The following SDHA variants were observed in gnomAD, a reference collection of about 807,000 sequenced individuals.
SDHA encodes succinate dehydrogenase [ubiquinone] flavoprotein subunit, mitochondrial.
SDHA carries 48 observed loss-of-function variants against 78.4 expected under a neutral mutation model. The observed-to-expected ratio is 0.61, with a 90% CI of 0.49 to 0.78. SDHA has a LOEUF of 0.78. Ranked by LOEUF, SDHA falls within the 30% of genes least tolerant of loss-of-function variation. The pLI is 0.00. For missense variants in SDHA, 680 were observed against 892.7 expected (o/e 0.76, Z 3.04); for synonymous variants, 326 against 353.9 (o/e 0.92, Z 0.88).
the SDHA span, among the ~76,000 whole-genome samples, chr5:268,413 G>A: frequency 5.3e-5 from 8 of 151,934 alleles, no homozygotes; most frequent in Non-Finnish European, 5.9e-5. Context: ...TGATCCACCC[G>A]CCTCAGCCTC....
intron 14 of SDHA, among the ~76,000 whole-genome samples, chr5:254,939 C>T (rs1478895904): frequency 2.0e-5 from 3 of 151,988 alleles, no homozygotes; most frequent in South Asian, 4.1e-4. Flanking sequence ...CAACTGGAAG[C>T]GTCTGCAGGG....
chr5:233,056 C>T (rs1355139788), intron 7 of SDHA, among the ~76,000 whole-genome samples: 1 of 152,216 alleles, frequency 6.6e-6, no homozygotes, highest in Non-Finnish European at 1.5e-5. Flanking sequence ...CTAAAATAAT[C>T]ATTATTACTG....
intron 5 of SDHA, among the ~76,000 whole-genome samples, chr5:227,200 A>G (rs867425599): frequency 6.6e-6 from 1 of 152,084 alleles, no homozygotes; most frequent in Non-Finnish European, 1.5e-5. Context: ...TAGTAGAGAC[A>G]GGGTTTCCCA....
chr5:247,934 G>C lies in SDHA; in HGVS notation c.1552-3058G>C, dbSNP rs1736564989. 1.3e-5 allele frequency among the ~76,000 whole-genome samples: 2 copies of C among 152,340 alleles called. 1 individual carries two copies. The highest frequency in any genetic ancestry group is 3.9e-4 in the East Asian group (2 of 5,180). Reference sequence around the variant, plus strand: ...TGAATCTTTCCCTGAAACAGCAGCTGCAAAAGTAAAAGGGGGAAAACAGGG... The same window carrying C: ...TGAATCTTTCCCTGAAACAGCAGCTCCAAAAGTAAAAGGGGGAAAACAGGG... On this transcript the variant is annotated intron_variant, in intron 11 of 14. Coordinates refer to ENST00000264932, the MANE Select transcript of SDHA (RefSeq NM_004168.4).
At chr5:262,354 G>C in the SDHA span, among the ~76,000 whole-genome samples, 152 of 81,522 alleles carry the variant, frequency 1.9e-3, 18 homozygotes, top group African/African-American at 0.013. Context: ...CCTCCCGGCA[G>C]AGCATTACCG....
At chr5:265,213 TAAAA>T in the SDHA span, among the ~76,000 whole-genome samples, 1 of 151,918 alleles carries the variant, frequency 6.6e-6, no homozygotes, top group Non-Finnish European at 1.5e-5. Context: ...TCTCAAAAAA[TAAAA>T]AAAGATTTTT....
chr5:262,469 T>G, the SDHA span, among the ~76,000 whole-genome samples: 1 of 152,234 alleles, frequency 6.6e-6, no homozygotes, highest in African/African-American at 2.4e-5. Flanking sequence ...TGGCATTAGA[T>G]TCTCATAGGA....
chr5:258,930 G>C (rs1341022556), downstream of SDHA, among the ~76,000 whole-genome samples: 43 of 37,028 alleles, frequency 1.2e-3, no homozygotes, highest in South Asian at 1.9e-3. Context: ...CCTCCCGTCC[G>C]AGCATTACCG....
In SDHA at chr5:233,692, G is replaced by A. The variant is rs780277590; in HGVS notation, c.1064+47G>A. 63 of 1,603,208 alleles carry A rather than the reference G, an allele frequency of 3.9e-5. No homozygotes were observed. The East Asian group carries it at 9.6e-4, about 24-fold the overall frequency. On this transcript the variant is annotated intron_variant, in intron 8 of 14. Transcript: ENST00000264932. ...CACTGTCTGAGCGGGCACACGGGCCGGGGTTGCTTCTGTGAGTTTCAGCAC... is the reference window on the plus strand; with the variant it reads ...CACTGTCTGAGCGGGCACACGGGCCAGGGTTGCTTCTGTGAGTTTCAGCAC...
At chr5:248,055 AG>A (rs1364761802) in intron 11 of SDHA, among the ~76,000 whole-genome samples, 2 of 152,252 alleles carry the variant, frequency 1.3e-5, no homozygotes, top group East Asian at 3.8e-4. Flanking sequence ...CAGCATCTAC[AG>A]AAACCAGCTG....
intron 10 of SDHA, among the ~76,000 whole-genome samples, chr5:238,513 G>A (rs1579413676): frequency 1.3e-5 from 2 of 151,590 alleles, no homozygotes; most frequent in Admixed American, 6.6e-5. Context: ...ACGATCAGGT[G>A]CACACCACCA....
intron 6 of SDHA, among the ~76,000 whole-genome samples, chr5:230,188 C>T (rs1735304729): frequency 7.2e-6 from 1 of 138,302 alleles, no homozygotes; most frequent in South Asian, 2.1e-4. Context: ...CGCTGTACAC[C>T]ATAAATATAT....
chr5:257,686 C>A (rs36079110), downstream of SDHA, among the ~76,000 whole-genome samples: 3,040 of 116,728 alleles, frequency 0.026, 325 homozygotes, highest in Non-Finnish European at 0.035. Flanking sequence ...CCTGCCAGAG[C>A]ATTACTGTGA....
At chr5:233,787 T>C in intron 8 of SDHA, 142 bp downstream of exon 8, 4 of 804,438 alleles carry the variant, frequency 5.0e-6, no homozygotes, top group South Asian at 2.9e-5. Flanking sequence ...CAGGCGTCTG[T>C]TAGTCTGCGA....
chr5:248,018 A>AGATCTTATCAGCAGCTGAT lies in SDHA; in HGVS notation c.1552-2974_1552-2973insGATCTTATCAGCAGCTGAT, dbSNP rs1736577222. ...TTATTTAAATTTTTTGAGCCTGCCT[A>AGATCTTATCAGCAGCTGAT]AAGGCCAGATCTTATCAGCAGCTGA... On this transcript the variant is annotated intron_variant, in intron 11 of 14. Coordinates refer to ENST00000264932, the MANE Select transcript of SDHA (RefSeq NM_004168.4). Among the ~76,000 whole-genome samples, 2 of 152,216 alleles carry AGATCTTATCAGCAGCTGAT rather than the reference A, an allele frequency of 1.3e-5. 1 individual carries two copies. The highest frequency in any genetic ancestry group is 1.3e-4 in the Admixed American group (2 of 15,286).
rs748265289 is a variant in SDHA at position 225,872 on chromosome 5, A to G, written c.457-11A>G. ...GGTGTTAAGGTTTTTGTTTGTTTTT[A>G]TCTTTCACAGCTAGAAAATTATGGC... On this transcript the variant is annotated splice_polypyrimidine_tract_variant and intron_variant, in intron 4 of 14. Transcript: ENST00000264932. The G allele has an allele frequency of 2.5e-6, 4 of 1,612,238 alleles. No homozygotes were observed. Among genetic ancestry groups the G allele is most frequent in the East Asian group, 2.2e-5 (1 of 44,888 alleles).
At chr5:226,399 A>G (rs371491537) in intron 5 of SDHA, among the ~76,000 whole-genome samples, 6 of 152,350 alleles carry the variant, frequency 3.9e-5, no homozygotes, top group Middle Eastern at 3.4e-3. Context: ...TAGGAGGCCA[A>G]GGCAGGAGGA....
intron 8 of SDHA, chr5:233,849 A>C (rs1278051066): frequency 3.6e-6 from 2 of 552,718 alleles, no homozygotes; most frequent in Non-Finnish European, 6.5e-6. Flanking sequence ...TCTTTCTCAA[A>C]TCTGTGGAAC....
At chr5:228,619 C>T (rs763204482) in intron 6 of SDHA, among the ~76,000 whole-genome samples, 4 of 152,124 alleles carry the variant, frequency 2.6e-5, no homozygotes, top group African/African-American at 9.7e-5. Context: ...GGAACTGTGG[C>T]CCAAAGAGTC....
Sources: gnomAD v4.1 joint callset for allele counts (sites outside exome capture counted in the v4.1 genomes callset) on GRCh38, gnomAD v4.1.1 for gene constraint, MANE v1.5 for transcripts, NCBI Gene and HGNC (gene_info 2026-07-23, HGNC 2026-07-21) for gene names.